The following RBFOX1 variants were observed in gnomAD, a reference collection of about 807,000 sequenced individuals.
The protein encoded by RBFOX1 is RNA binding fox-1 homolog 1, also known as RNA binding protein fox-1 homolog 1.
RBFOX1 carries 8 observed loss-of-function variants against 57.7 expected under a neutral mutation model. That is an observed-to-expected ratio of 0.14 (90% CI 0.08 to 0.25). The LOEUF is 0.25. Among genes scored for constraint, RBFOX1 ranks in the 10% least tolerant of loss-of-function variants. RBFOX1 has a pLI of 1.00. For missense variants in RBFOX1, 611 were observed against 548.5 expected (o/e 1.11, Z -1.14); for synonymous variants, 326 against 222.4 (o/e 1.47, Z -4.15).
At chr16:6,976,140 A>G (rs910187519) in intron 3 of RBFOX1, among the ~76,000 whole-genome samples, 9 of 51,860 alleles carry the variant, frequency 1.7e-4, no homozygotes, top group African/African-American at 3.2e-4. Flanking sequence ...AAGGAAAAAG[A>G]AACAAACAAA....
rs145638033 is a variant in RBFOX1, at chr16:6,486,895, A to G, written c.-63-167708A>G. ...TGCATAATTTGATTTTAATTAAATC[A>G]TAGATAATCAGAATAGCAGTCTCAA... On this transcript the variant is annotated intron_variant, in intron 2 of 15. Coordinates refer to ENST00000550418, the MANE Select transcript of RBFOX1 (RefSeq NM_018723.4). Among the ~76,000 whole-genome samples the G allele has an allele frequency of 4.3e-3, 657 of 152,286 alleles. 4 individuals are homozygous for G. Among genetic ancestry groups the G allele is most frequent in the African/African-American group, 0.015 (619 of 41,558 alleles).
intron 2 of RBFOX1, among the ~76,000 whole-genome samples, chr16:6,350,899 G>C (rs1225708222): frequency 1.3e-5 from 2 of 152,184 alleles, no homozygotes; most frequent in African/African-American, 4.8e-5. Context: ...TTCTATGAGG[G>C]CACTCTTCTG....
intron 5 of RBFOX1, among the ~76,000 whole-genome samples, chr16:7,564,414 A>T (rs2091188660): frequency 6.6e-6 from 1 of 151,762 alleles, no homozygotes; most frequent in Non-Finnish European, 1.5e-5. Flanking sequence ...GGCACCAGAC[A>T]CCTGTAATCT....
chr16:7,262,012 C>G (rs946206699), intron 4 of RBFOX1, among the ~76,000 whole-genome samples: 1 of 152,156 alleles, frequency 6.6e-6, no homozygotes, highest in African/African-American at 2.4e-5. Flanking sequence ...ATCCCTTTCT[C>G]TGTTGGTTCC....
At chr16:5,573,634 C>A (rs576163878) in intron 2 of RBFOX1, among the ~76,000 whole-genome samples, 6 of 152,264 alleles carry the variant, frequency 3.9e-5, no homozygotes, top group African/African-American at 1.4e-4. Context: ...TGCATCCCCC[C>A]TTTCCCCGTC....
At chr16:6,629,574 A>G (rs557481696) in intron 2 of RBFOX1, among the ~76,000 whole-genome samples, 1 of 152,264 alleles carries the variant, frequency 6.6e-6, no homozygotes, top group East Asian at 1.9e-4. Context: ...GGCAGGATGA[A>G]TGAGGGTGGT....
chr16:6,035,362 C>G (rs918590596), intron 1 of RBFOX1, among the ~76,000 whole-genome samples: 2 of 152,172 alleles, frequency 1.3e-5, no homozygotes, highest in Non-Finnish European at 2.9e-5. Context: ...GATGGGCTGC[C>G]CCTTGTGGCA....
intron 1 of RBFOX1, among the ~76,000 whole-genome samples, chr16:6,042,264 T>C (rs1254504048): frequency 4.0e-5 from 6 of 151,746 alleles, no homozygotes; most frequent in Non-Finnish European, 5.9e-5. Flanking sequence ...CCATGCCCAG[T>C]TAATTTTTGT....
chr16:6,087,831 T>C (rs1327028347), intron 1 of RBFOX1, among the ~76,000 whole-genome samples: 2 of 152,080 alleles, frequency 1.3e-5, no homozygotes, highest in African/African-American at 4.8e-5. Context: ...TTTTGTACTT[T>C]TAGTAGAGAT....
intron 2 of RBFOX1, among the ~76,000 whole-genome samples, chr16:6,644,859 G>A (rs904932088): frequency 2.6e-5 from 4 of 152,148 alleles, no homozygotes; most frequent in African/African-American, 7.2e-5. Context: ...TCTTTTTTCA[G>A]TATTAAGTAG....
At chr16:7,386,049 A>T (rs1597127001) in intron 4 of RBFOX1, among the ~76,000 whole-genome samples, 1 of 151,616 alleles carries the variant, frequency 6.6e-6, no homozygotes, top group East Asian at 1.9e-4. Flanking sequence ...TCAGCCTCCC[A>T]AAGTGCTGGG....
chr16:7,237,196 C>G (rs1024726241), intron 4 of RBFOX1, among the ~76,000 whole-genome samples: 1 of 152,186 alleles, frequency 6.6e-6, no homozygotes, highest in East Asian at 1.9e-4. Flanking sequence ...AATAACTTCC[C>G]TTGCCTGGCA....
intron 4 of RBFOX1, among the ~76,000 whole-genome samples, chr16:5,888,208 T>C (rs2057947843): frequency 1.3e-5 from 2 of 152,166 alleles, no homozygotes; most frequent in South Asian, 2.1e-4. Context: ...TTGTTTCCTC[T>C]GCCGGGAATG....
chr16:6,847,537 C>T (rs1425610092), intron 3 of RBFOX1, among the ~76,000 whole-genome samples: 1 of 152,180 alleles, frequency 6.6e-6, no homozygotes, highest in Non-Finnish European at 1.5e-5. Flanking sequence ...CAACTGATGG[C>T]ACAGTCAAGG....
chr16:6,181,509 A>G (rs2097062459), intron 1 of RBFOX1, among the ~76,000 whole-genome samples: 1 of 152,218 alleles, frequency 6.6e-6, no homozygotes, highest in Non-Finnish European at 1.5e-5. Context: ...TTCCTCACTC[A>G]GCCATAGCTG....
At chr16:6,429,132 G>T (rs529816653) in intron 2 of RBFOX1, among the ~76,000 whole-genome samples, 7 of 152,190 alleles carry the variant, frequency 4.6e-5, no homozygotes, top group Non-Finnish European at 1.0e-4. Context: ...GTGAAATGTC[G>T]TGGCTGCCTC....
chr16:6,071,235 C>T (rs965717674), intron 1 of RBFOX1, among the ~76,000 whole-genome samples: 7 of 152,102 alleles, frequency 4.6e-5, no homozygotes, highest in Non-Finnish European at 7.4e-5. Context: ...ATGGGAGGAT[C>T]GTTTGAGCCC....
chr16:5,655,674 C>T (rs1384846865), intron 3 of RBFOX1, among the ~76,000 whole-genome samples: 1 of 152,138 alleles, frequency 6.6e-6, no homozygotes, highest in South Asian at 2.1e-4. Context: ...AATGGGAGTG[C>T]ATTTGTACCT....
At chr16:6,168,542 A>G (rs2096934712) in intron 1 of RBFOX1, among the ~76,000 whole-genome samples, 1 of 152,162 alleles carries the variant, frequency 6.6e-6, no homozygotes, top group Admixed American at 6.5e-5. Flanking sequence ...ATCATTACCG[A>G]TTATGTATAA....
Sources: gnomAD v4.1 joint callset for allele counts (sites outside exome capture counted in the v4.1 genomes callset) on GRCh38, gnomAD v4.1.1 for gene constraint, MANE v1.5 for transcripts, NCBI Gene and HGNC (gene_info 2026-07-23, HGNC 2026-07-21) for gene names.